DLGAP3: variants seen among roughly 807,000 people sequenced by gnomAD.
DLGAP3 encodes the protein disks large-associated protein 3.
In DLGAP3, 17 loss-of-function variants were observed where a neutral mutation model predicts 81.2. That is an observed-to-expected ratio of 0.21 (90% CI 0.14 to 0.31). The LOEUF (loss-of-function observed/expected upper bound fraction) is 0.31, where lower values mean the gene tolerates loss of function less well. Among genes scored for constraint, DLGAP3 ranks in the 10% least tolerant of loss-of-function variants. DLGAP3 has a pLI of 1.00. For missense variants in DLGAP3, 1,124 were observed against 1,388.0 expected (o/e 0.81, Z 3.02); for synonymous variants, 577 against 587.4 (o/e 0.98, Z 0.26).
intron 8 of DLGAP3, among the ~76,000 whole-genome samples, chr1:34,882,346 C>T (rs550333718): frequency 6.6e-6 from 1 of 152,136 alleles, no homozygotes; most frequent in Admixed American, 6.5e-5. Context: ...GGCGTGGTGG[C>T]GGGTGCCTGT....
chr1:34,874,031 G>A, intron 8 of DLGAP3, among the ~76,000 whole-genome samples: 1 of 152,214 alleles, frequency 6.6e-6, no homozygotes, highest in East Asian at 1.9e-4. Context: ...TGAGATAAAA[G>A]TAGAAGTGGC....
Position 34,904,163 on chromosome 1 carries a change from C to T in DLGAP3, c.1107+114G>A, listed in dbSNP as rs563561887. 27 of 1,320,158 alleles carry T rather than the reference C, an allele frequency of 2.0e-5. No homozygotes were observed. The highest frequency in any genetic ancestry group is 3.4e-5 in the Admixed American group (2 of 59,510). The allele number at this position is 1,320,158 out of a possible 1,614,324, so 81.8% of individuals were successfully genotyped here. On this transcript the variant is annotated intron_variant, in intron 3 of 11. Coordinates refer to ENST00000373347, the MANE Select transcript of DLGAP3 (RefSeq NM_001080418.3). This position sits in a 1 kb window ranked among gnomAD's most constrained non-coding sequence, Gnocchi z 8.1. ...GGGCAGGGCAGAGCCTCCCTACACC[C>T]AGGCCCTCCATCACAGGGACAGCTG...
chr1:34,917,314 C>T (rs528823917), intron 1 of DLGAP3, among the ~76,000 whole-genome samples: 38 of 151,524 alleles, frequency 2.5e-4, no homozygotes, highest in African/African-American at 9.0e-4. Context: ...TCATACACCT[C>T]ATGTGCATTT....
intron 8 of DLGAP3, among the ~76,000 whole-genome samples, chr1:34,869,592 C>T (rs773884257): frequency 2.7e-5 from 4 of 148,716 alleles, no homozygotes; most frequent in South Asian, 2.1e-4. Flanking sequence ...CGGGTTCAAG[C>T]GATTCTCCTG....
In DLGAP3 at chr1:34,904,873, G is replaced by T; in HGVS notation, c.511C>A (p.Arg171=). The change falls in exon 3 of 12, where the codon CGG becomes AGG. Residue 171 remains arginine (R), a synonymous_variant. Transcript: ENST00000373347. The surrounding 1 kb of genome is among the most constrained non-coding windows in gnomAD (Gnocchi z 8.1). The stretch of plus-strand genomic sequence containing the variant: ...TTCTGCACAGAATGAACCAGGTGCC[G>T]GATGCGGCTAGGGCTCTCACTGCGG... ...EPRSESPSRI[R]HLVHSVQKLF... 1.2e-6 allele frequency: 2 copies of T among 1,610,582 alleles called. No homozygotes were observed. The highest frequency in any genetic ancestry group is 2.2e-5 in the South Asian group (2 of 91,084).
At chr1:34,882,533 T>A (rs1472305078) in intron 8 of DLGAP3, among the ~76,000 whole-genome samples, 1 of 152,160 alleles carries the variant, frequency 6.6e-6, no homozygotes, top group East Asian at 1.9e-4. Flanking sequence ...TACCACACAC[T>A]AGCAGTGCCT....
At chr1:34,879,879 T>C (rs1481788979) in intron 8 of DLGAP3, among the ~76,000 whole-genome samples, 3 of 151,554 alleles carry the variant, frequency 2.0e-5, no homozygotes, top group Non-Finnish European at 4.4e-5. Context: ...ATAAAAAATA[T>C]TGAAAGTTAG....
chr1:34,878,306 AAAAAAT>A (rs1569604366), intron 8 of DLGAP3, among the ~76,000 whole-genome samples: 1 of 152,308 alleles, frequency 6.6e-6, no homozygotes, highest in South Asian at 2.1e-4. Context: ...ACTCATCTCA[AAAAAAT>A]AAAAATAAAA....
intron 7 of DLGAP3, 27 bp downstream of exon 7, chr1:34,885,451 C>T: frequency 6.2e-7 from 1 of 1,603,088 alleles, no homozygotes; most frequent in South Asian, 1.1e-5. Context: ...GGGTCAGAGC[C>T]CTCGTGGGCG....
At position 34,865,888 on chromosome 1, in the gene DLGAP3, G is replaced by T. The variant is rs1638865761; in HGVS notation, c.*195C>A. On this transcript the variant is annotated 3_prime_UTR_variant, in exon 12 of 12. Coordinates refer to ENST00000373347, the MANE Select transcript of DLGAP3 (RefSeq NM_001080418.3). The stretch of plus-strand genomic sequence containing the variant: ...GCAGGGCGGAGAGGCACGGCCCCCT[G>T]CCCAGCCCGGGCGCCTTCGCGTGGG... 4.4e-6 allele frequency: 3 copies of T among 677,250 alleles called. No homozygotes were observed. Among genetic ancestry groups the T allele is most frequent in the Admixed American group, 2.2e-5 (1 of 45,998 alleles). The allele number at this position is 677,250 out of a possible 1,614,324, so 42.0% of individuals were successfully genotyped here.
intron 5 of DLGAP3, among the ~76,000 whole-genome samples, chr1:34,887,290 T>C (rs1639249184): frequency 1.3e-5 from 2 of 152,044 alleles, no homozygotes; most frequent in African/African-American, 2.4e-5. Context: ...CTCACTCGGG[T>C]TCTGGCTTAA....
rs1272297460 is a variant in DLGAP3 at position 34,865,779 on chromosome 1, G to GA, written c.*303dup. 8 of 462,754 alleles carry GA rather than the reference G, an allele frequency of 1.7e-5. No individual in the cohort carries two copies. Among genetic ancestry groups the GA allele is most frequent in the Non-Finnish European group, 3.1e-5 (8 of 256,468 alleles). The allele number at this position is 462,754 out of a possible 1,614,324, so 28.7% of individuals were successfully genotyped here. A position where few individuals can be genotyped will look rare whatever the true frequency, so the allele number is the denominator to read the frequency against. On this transcript the variant is annotated 3_prime_UTR_variant, in exon 12 of 12. Transcript: ENST00000373347. ...ACCCGGCCCGGCCTGGCCCGTGGGG[G>GA]AAAGAATGGCAGAGATGGTGCCCAT...
chr1:34,875,198 T>C (rs1639033277), intron 8 of DLGAP3, among the ~76,000 whole-genome samples: 1 of 152,206 alleles, frequency 6.6e-6, no homozygotes, highest in South Asian at 2.1e-4. Flanking sequence ...GGGGCCATTC[T>C]TTCAGCACAT....
In DLGAP3 at chr1:34,902,813, T is replaced by C. The variant is rs564459316; in HGVS notation, c.1107+1464A>G. 6.6e-6 allele frequency among the ~76,000 whole-genome samples: 1 copy of C among 151,412 alleles called. No homozygotes were observed. The highest frequency in any genetic ancestry group is 1.5e-5 in the Non-Finnish European group (1 of 67,802). ...GTTAAAAAGGAAGCCCCCAGGGAGG[T>C]CAGGGCAGCCCTGAAGCAGCAGCAG... On this transcript the variant is annotated intron_variant, in intron 3 of 11. Coordinates refer to ENST00000373347, the MANE Select transcript of DLGAP3 (RefSeq NM_001080418.3). This position sits in a 1 kb window ranked among gnomAD's most constrained non-coding sequence, Gnocchi z 4.4.
At chr1:34,928,870 C>T (rs1639912682) in intron 1 of DLGAP3, among the ~76,000 whole-genome samples, 1 of 151,956 alleles carries the variant, frequency 6.6e-6, no homozygotes, top group South Asian at 2.1e-4. Flanking sequence ...CATTCACTCA[C>T]ATGTCCACAG....
At chr1:34,911,588 C>T (rs959076565) in intron 1 of DLGAP3, among the ~76,000 whole-genome samples, 1 of 152,120 alleles carries the variant, frequency 6.6e-6, no homozygotes, top group African/African-American at 2.4e-5. Flanking sequence ...GGGAGGGTGC[C>T]GTGTGTGACA....
At chr1:34,892,144 T>C (rs577742217) in intron 5 of DLGAP3, among the ~76,000 whole-genome samples, 4 of 152,098 alleles carry the variant, frequency 2.6e-5, no homozygotes, top group Admixed American at 2.0e-4. Flanking sequence ...ACTTCATGAA[T>C]ACAAATCACA....
chr1:34,897,233 AATATGTCAAGTATATGTGATGTTAG>A (rs983058731), intron 5 of DLGAP3, among the ~76,000 whole-genome samples: 2 of 152,230 alleles, frequency 1.3e-5, no homozygotes, highest in Non-Finnish European at 2.9e-5. Context: ...CTCCAGGCTA[AATATGTCAAGTATATGTGATGTTAG>A]ATAATGCAAA....
intron 6 of DLGAP3, 25 bp from the exon 7 acceptor site, chr1:34,885,816 C>G: frequency 7.2e-7 from 1 of 1,395,026 alleles, no homozygotes; most frequent in Non-Finnish European, 9.3e-7. Context: ...CGCAGAGACG[C>G]AGTGGGTGAG....
Sources: gnomAD v4.1 joint callset for allele counts (sites outside exome capture counted in the v4.1 genomes callset) on GRCh38, gnomAD v4.1.1 for gene constraint, Gnocchi (gnomAD v3.1) non-coding constraint, MANE v1.5 for transcripts, NCBI Gene and HGNC (gene_info 2026-07-23, HGNC 2026-07-21) for gene names.